The following MEIKIN variants were observed in gnomAD, a reference collection of about 807,000 sequenced individuals.
The protein encoded by MEIKIN is meiosis-specific kinetochore protein.
intron 11 of MEIKIN, among the ~76,000 whole-genome samples, chr5:131,839,212 A>T (rs574343694): frequency 6.6e-6 from 1 of 152,182 alleles, no homozygotes; most frequent in Admixed American, 6.5e-5. Flanking sequence ...CTGTAGTCCA[A>T]ATGATTGTTT....
chr5:131,838,522 A>G (rs10069521), intron 11 of MEIKIN, among the ~76,000 whole-genome samples: 97,233 of 151,790 alleles, frequency 0.64, 33,061 homozygotes, highest in Non-Finnish European at 0.77. Flanking sequence ...CTTATTCAGG[A>G]AATCATTATT....
At position 131,851,365 on chromosome 5, in the gene MEIKIN, G is replaced by T; in HGVS notation, c.874C>A (p.Gln292Lys). The change falls in exon 11 of 13, where the codon CAA (glutamine) becomes AAA (lysine). Residue 292 changes from glutamine to lysine, a missense_variant. Coordinates refer to ENST00000442687, the MANE Select transcript of MEIKIN (RefSeq NM_001303622.2). ...AATAGTTCTTCAAAAGATGCTTTTT[G>T]CACTGAGGACAAATCAATCTATAAA... The part of the protein sequence containing the change: ...AGFVIDLSSV[Q>K]KASFEELFPN... 1 of 397,736 alleles carries T rather than the reference G, an allele frequency of 2.5e-6. No individual in the cohort carries two copies. The highest frequency in any genetic ancestry group is 4.4e-6 in the Non-Finnish European group (1 of 225,418). 24.6% of individuals were successfully genotyped at this position (397,736 alleles called of 1,614,324 possible).
intron 9 of MEIKIN, among the ~76,000 whole-genome samples, chr5:131,859,354 T>A (rs1020387229): frequency 1.3e-5 from 2 of 152,228 alleles, no homozygotes; most frequent in African/African-American, 4.8e-5. Flanking sequence ...AAATCTCATG[T>A]TGAATTGAAA....
At chr5:131,936,295 T>C (rs1751775942) in intron 4 of MEIKIN, among the ~76,000 whole-genome samples, 1 of 152,244 alleles carries the variant, frequency 6.6e-6, no homozygotes. Flanking sequence ...TAGCAAAAAC[T>C]GCAATCTCTT....
chr5:131,885,915 A>G (rs1216344214), intron 8 of MEIKIN, among the ~76,000 whole-genome samples: 1 of 152,244 alleles, frequency 6.6e-6, no homozygotes, highest in South Asian at 2.1e-4. Context: ...AATTTAAAAT[A>G]ACACAGAGAA....
chr5:131,928,062 T>C lies in MEIKIN; in HGVS notation c.478+5451A>G, dbSNP rs1751621526. 2.0e-5 allele frequency among the ~76,000 whole-genome samples: 3 copies of C among 148,140 alleles called. No homozygotes were observed. In the Admixed American group the frequency reaches 2.1e-4, roughly 10 times the overall value. On this transcript the variant is annotated intron_variant, in intron 5 of 12. Transcript: ENST00000442687. ...GGGAGGCTGAGGCAGGAGAATGGCATGAACCCGGGAGGCGGAGCTTGCAGT... is the reference window on the plus strand; with the variant it reads ...GGGAGGCTGAGGCAGGAGAATGGCACGAACCCGGGAGGCGGAGCTTGCAGT...
chr5:131,906,864 G>A (rs1225423088), intron 8 of MEIKIN, among the ~76,000 whole-genome samples: 1 of 152,146 alleles, frequency 6.6e-6, no homozygotes, highest in Non-Finnish European at 1.5e-5. Context: ...GGGCCTACTT[G>A]AGGGTGAGAG....
At chr5:131,921,287 G>A (rs1303540438) in intron 6 of MEIKIN, among the ~76,000 whole-genome samples, 2 of 152,178 alleles carry the variant, frequency 1.3e-5, no homozygotes, top group Non-Finnish European at 1.5e-5. Context: ...CAAGGTAGAA[G>A]AATTGCTTGA....
chr5:131,919,218 T>G (rs79565561), intron 6 of MEIKIN, among the ~76,000 whole-genome samples: 5 of 152,010 alleles, frequency 3.3e-5, no homozygotes, highest in Non-Finnish European at 1.5e-5. Flanking sequence ...AAAAAAAATA[T>G]GACAACACAT....
intron 11 of MEIKIN, among the ~76,000 whole-genome samples, chr5:131,837,785 T>C (rs529948873): frequency 1.3e-5 from 2 of 152,196 alleles, no homozygotes; most frequent in East Asian, 3.9e-4. Flanking sequence ...TCTAGATATA[T>C]GATCATGTAG....
intron 11 of MEIKIN, among the ~76,000 whole-genome samples, chr5:131,838,468 G>A (rs191354410): frequency 5.5e-4 from 83 of 152,104 alleles, no homozygotes; most frequent in Middle Eastern, 3.4e-3. Context: ...ATTTAGTTGA[G>A]AATCCTTCTG....
At chr5:131,933,689 A>C in intron 4 of MEIKIN, 48 bp from the exon 5 acceptor site, 1 of 396,880 alleles carries the variant, frequency 2.5e-6, no homozygotes, top group Non-Finnish European at 4.4e-6. Context: ...GATACAAAAC[A>C]ATGTGAAATC....
intron 9 of MEIKIN, among the ~76,000 whole-genome samples, chr5:131,873,760 C>A (rs989340299): frequency 2.0e-5 from 3 of 152,154 alleles, no homozygotes; most frequent in African/African-American, 2.4e-5. Flanking sequence ...CACTCCTCAG[C>A]AAATGTAAAA....
At chr5:131,881,513 C>T (rs1322365495) in intron 8 of MEIKIN, among the ~76,000 whole-genome samples, 12 of 152,100 alleles carry the variant, frequency 7.9e-5, no homozygotes, top group Admixed American at 6.6e-4. Context: ...TTCATTAAAT[C>T]CTATGGCTTC....
chr5:131,849,652 A>G (rs1750077673), intron 11 of MEIKIN, among the ~76,000 whole-genome samples: 1 of 150,256 alleles, frequency 6.7e-6, no homozygotes, highest in Non-Finnish European at 1.5e-5. Context: ...TAAATTACCC[A>G]GTCTCAGGTA....
At chr5:131,813,070 T>C (rs186546468) in intron 12 of MEIKIN, among the ~76,000 whole-genome samples, 9 of 152,316 alleles carry the variant, frequency 5.9e-5, no homozygotes, top group Admixed American at 4.6e-4. Flanking sequence ...TTATGTAAAA[T>C]TGAGCTTGAG....
chr5:131,873,932 T>C (rs1001962058), intron 9 of MEIKIN, among the ~76,000 whole-genome samples: 15 of 152,222 alleles, frequency 9.9e-5, no homozygotes, highest in Non-Finnish European at 2.1e-4. Flanking sequence ...AATAAAGATG[T>C]TCTTTGAAAC....
At chr5:131,835,442 C>G (rs1749789157) in intron 11 of MEIKIN, among the ~76,000 whole-genome samples, 1 of 152,092 alleles carries the variant, frequency 6.6e-6, no homozygotes, top group Non-Finnish European at 1.5e-5. Context: ...ACTGCTAAGA[C>G]CAGTATCAAG....
At chr5:131,888,024 A>G (rs1249755060) in intron 8 of MEIKIN, among the ~76,000 whole-genome samples, 1 of 141,482 alleles carries the variant, frequency 7.1e-6, no homozygotes, top group Non-Finnish European at 1.5e-5. Flanking sequence ...CCATGTCCCT[A>G]CAAAGGACAT....
Sources: allele counts gnomAD v4.1 joint callset (sites outside exome capture counted in the v4.1 genomes callset), GRCh38; gene constraint gnomAD v4.1.1; transcripts MANE v1.5; gene names NCBI Gene and HGNC (gene_info 2026-07-23, HGNC 2026-07-21).